Variants in SEC22C observed in about 807,000 individuals in gnomAD.
The protein encoded by SEC22C is vesicle-trafficking protein SEC22c.
In SEC22C, 29 loss-of-function variants were observed where a neutral mutation model predicts 34.7. That is an observed-to-expected ratio of 0.84 (90% CI 0.62 to 1.14). SEC22C has a LOEUF of 1.14. SEC22C is among the 50% of genes most tolerant of loss of function. SEC22C has a pLI of 0.00. For missense variants in SEC22C, 337 were observed against 369.0 expected (o/e 0.91, Z 0.71); for synonymous variants, 117 against 132.8 (o/e 0.88, Z 0.82).
Position 42,548,849 on chromosome 3 carries a change from C to A in SEC22C, c.*4399G>T. 1 of 1,401,654 alleles carries A rather than the reference C, an allele frequency of 7.1e-7. No individual in the cohort carries two copies. The highest frequency in any genetic ancestry group is 9.3e-7 in the Non-Finnish European group (1 of 1,077,852). 86.8% of individuals were successfully genotyped at this position (1,401,654 alleles called of 1,614,324 possible). Reference sequence around the variant, plus strand: ...TGCTGTGCTGCCTGAAGCAGAAAAACCTTCATGTACCAGGTGAATGTAAAG... The same window carrying A: ...TGCTGTGCTGCCTGAAGCAGAAAAAACTTCATGTACCAGGTGAATGTAAAG... On this transcript the variant is annotated 3_prime_UTR_variant, in exon 7 of 7. Transcript: ENST00000264454.
intron 4 of SEC22C, 61 bp downstream of exon 4, chr3:42,561,056 A>T (rs1466827838): frequency 1.3e-6 from 2 of 1,524,148 alleles, no homozygotes; most frequent in Non-Finnish European, 1.8e-6. Context: ...AAAAAAAATC[A>T]ACGTCCATTT....
At chr3:42,571,963 G>A (rs923667652) in intron 1 of SEC22C, among the ~76,000 whole-genome samples, 11 of 152,116 alleles carry the variant, frequency 7.2e-5, no homozygotes, top group Non-Finnish European at 1.3e-4. Context: ...AATCCGGGAG[G>A]GAGAGGTTAC....
chr3:42,593,991 AG>A (rs760859825), intron 1 of SEC22C, among the ~76,000 whole-genome samples: 4 of 152,196 alleles, frequency 2.6e-5, no homozygotes, highest in Non-Finnish European at 5.9e-5. Flanking sequence ...GTGAGATCAG[AG>A]GGGGACTGGA....
At chr3:42,600,326 G>A (rs1705241912) in intron 1 of SEC22C, 1 of 152,246 alleles carries the variant, frequency 6.6e-6, no homozygotes, top group Non-Finnish European at 1.5e-5. Context: ...AAAACTCAAA[G>A]CCTCAATTCA....
At chr3:42,591,485 G>A in intron 1 of SEC22C, 1 of 1,512,592 alleles carries the variant, frequency 6.6e-7, no homozygotes, top group Non-Finnish European at 9.2e-7. Flanking sequence ...GAGCCACTGC[G>A]CCCGGCCTGC....
At chr3:42,600,867 C>T (rs1039632663) in intron 1 of SEC22C, 6 of 591,592 alleles carry the variant, frequency 1.0e-5, no homozygotes, top group Non-Finnish European at 1.3e-5. Flanking sequence ...CCTGCGCTGT[C>T]GCGACGGGCC....
In SEC22C at chr3:42,550,473, C is replaced by A. The variant is rs1702194596; in HGVS notation, c.*2775G>T. ...CCTGGGGATTTCCCTCGGATGAAAT[C>A]ACCAGAACTTCTTTCCTATTTTCAG... On this transcript the variant is annotated 3_prime_UTR_variant, in exon 7 of 7. Transcript: ENST00000264454. 1 of 985,418 alleles carries A rather than the reference C, an allele frequency of 1.0e-6. No individual in the cohort carries two copies. The highest frequency in any genetic ancestry group is 1.2e-6 in the Non-Finnish European group (1 of 829,928). 61.0% of individuals were successfully genotyped at this position (985,418 alleles called of 1,614,324 possible).
upstream of SEC22C, among the ~76,000 whole-genome samples, chr3:42,585,688 T>C (rs1276467255): frequency 2.6e-5 from 4 of 152,198 alleles, no homozygotes; most frequent in Non-Finnish European, 4.4e-5. Flanking sequence ...AGAAGGATAG[T>C]AACACCCATC....
At position 42,550,660 on chromosome 3, in the gene SEC22C, C is replaced by T. The variant is rs531555464; in HGVS notation, c.*2588G>A. The T allele has an allele frequency of 9.3e-5, 92 of 984,958 alleles. 1 individual carries two copies. Among genetic ancestry groups the T allele is most frequent in the East Asian group, 4.6e-4 (4 of 8,770 alleles). The allele number at this position is 984,958 out of a possible 1,614,324, so 61.0% of individuals were successfully genotyped here. On this transcript the variant is annotated 3_prime_UTR_variant, in exon 7 of 7. Transcript: ENST00000264454. ...AGATGTTAACTGATATCCACACATT[C>T]GACCTGGTGTGGATAACATCTCTGG...
At chr3:42,566,004 T>G (rs1703214415) in intron 2 of SEC22C, 1 of 417,686 alleles carries the variant, frequency 2.4e-6, no homozygotes, top group African/African-American at 2.1e-5. Context: ...TATCCAGGAT[T>G]TAAATCTGAA....
chr3:42,582,632 G>A (rs913131400), upstream of SEC22C, among the ~76,000 whole-genome samples: 10 of 152,262 alleles, frequency 6.6e-5, no homozygotes, highest in Non-Finnish European at 7.3e-5. Context: ...AGGAGGCAGG[G>A]TGAGAGCACC....
intron 1 of SEC22C, among the ~76,000 whole-genome samples, chr3:42,577,184 G>A (rs1704020957): frequency 6.6e-6 from 1 of 151,996 alleles, no homozygotes; most frequent in East Asian, 1.9e-4. Flanking sequence ...AAATCTTCAG[G>A]ACCTATGACT....
chr3:42,569,357 T>C lies in SEC22C; in HGVS notation c.-27-284A>G, dbSNP rs140838932. Among the ~76,000 whole-genome samples, 6 of 152,194 alleles carry C rather than the reference T, an allele frequency of 3.9e-5. 1 individual carries two copies. The highest frequency in any genetic ancestry group is 1.4e-4 in the African/African-American group (6 of 41,526). Reference sequence around the variant, plus strand: ...CCAACTGGGATGATGGGGAAAGGAATAGAGAAGAACGGACGCAGGACCAGA... The same window carrying C: ...CCAACTGGGATGATGGGGAAAGGAACAGAGAAGAACGGACGCAGGACCAGA... On this transcript the variant is annotated intron_variant, in intron 1 of 6. Coordinates refer to ENST00000264454, the MANE Select transcript of SEC22C (RefSeq NM_032970.4).
Position 42,550,632 on chromosome 3 carries a change from T to C in SEC22C, c.*2616A>G. 3.0e-6 allele frequency: 3 copies of C among 985,340 alleles called. No homozygotes were observed. Among genetic ancestry groups the C allele is most frequent in the Non-Finnish European group, 3.6e-6 (3 of 829,926 alleles). 61.0% of individuals were successfully genotyped at this position (985,340 alleles called of 1,614,324 possible). ...GTTTGCAAAAGTCAATCTCACCCCA[T>C]GTAGATGTTAACTGATATCCACACA... On this transcript the variant is annotated 3_prime_UTR_variant, in exon 7 of 7. Transcript: ENST00000264454.
In SEC22C at chr3:42,549,803, A is replaced by T; in HGVS notation, c.*3445T>A. The T allele has an allele frequency of 1.0e-6, 1 of 984,786 alleles. No homozygotes were observed. Among genetic ancestry groups the T allele is most frequent in the Non-Finnish European group, 1.2e-6 (1 of 829,286 alleles). 61.0% of individuals were successfully genotyped at this position (984,786 alleles called of 1,614,324 possible). Reference sequence around the variant, plus strand: ...CACCTAGAAAAGAACAGAGGAGCTCAAGCTCATTTAATCAAAATGCTTAAA... The same window carrying T: ...CACCTAGAAAAGAACAGAGGAGCTCTAGCTCATTTAATCAAAATGCTTAAA... On this transcript the variant is annotated 3_prime_UTR_variant, in exon 7 of 7. Coordinates refer to ENST00000264454, the MANE Select transcript of SEC22C (RefSeq NM_032970.4).
intron 1 of SEC22C, among the ~76,000 whole-genome samples, chr3:42,593,251 A>G (rs575544929): frequency 6.6e-6 from 1 of 152,118 alleles, no homozygotes; most frequent in East Asian, 1.9e-4. Context: ...CATCTCTACT[A>G]AAAACTAAAA....
upstream of SEC22C, among the ~76,000 whole-genome samples, chr3:42,583,048 G>A (rs925890880): frequency 6.6e-6 from 1 of 152,230 alleles, no homozygotes; most frequent in African/African-American, 2.4e-5. Context: ...TCAGAGTTTA[G>A]AGAATAAAGG....
chr3:42,561,279 CT>C lies in SEC22C; in HGVS notation c.363del (p.Val122Ter). The C allele has an allele frequency of 3.1e-6, 5 of 1,614,242 alleles. No individual in the cohort carries two copies. The highest frequency in any genetic ancestry group is 4.2e-6 in the Non-Finnish European group (5 of 1,180,030). On this transcript the variant is annotated frameshift_variant, in exon 4 of 7. Transcript: ENST00000264454. LOFTEE classifies it high-confidence loss of function. ...CTTACATAGTTAAAATGCCACTTCA[CT>C]TTCTGAATGATGCTGTCTGCAAAAA... ...AFLEFDSIIQ[K>X]VKWHFNYVSS...
Position 42,568,996 on chromosome 3 carries a change from G to A in SEC22C, c.51C>T (p.Pro17=), listed in dbSNP as rs1452155957. The change falls in exon 2 of 7, where the codon CCC becomes CCT. Residue 17 remains proline (P), a synonymous_variant. Coordinates refer to ENST00000264454, the MANE Select transcript of SEC22C (RefSeq NM_032970.4). ...ACVVRVRDGL[P]LSASTDFYHT... ...GGTAAAAATCAGTAGAGGCTGAGAG[G>A]GGCAGTCCATCCCTTACCCGTACCA... is the stretch of plus-strand genomic sequence containing the variant. 1 of 1,614,054 alleles carries A rather than the reference G, an allele frequency of 6.2e-7. No homozygotes were observed. Among genetic ancestry groups the A allele is most frequent in the Admixed American group, 1.7e-5 (1 of 60,002 alleles).
Sources: allele counts gnomAD v4.1 joint callset (sites outside exome capture counted in the v4.1 genomes callset), GRCh38; gene constraint gnomAD v4.1.1; transcripts MANE v1.5; gene names NCBI Gene and HGNC (gene_info 2026-07-23, HGNC 2026-07-21).